The following SYNRG variants were observed in gnomAD, a reference collection of about 807,000 sequenced individuals.
SYNRG encodes the protein AP1 gamma subunit binding protein 1.
SYNRG carries 37 observed loss-of-function variants against 130.9 expected under a neutral mutation model. The ratio of observed to expected loss-of-function variants is 0.28; its 90% CI spans 0.22 to 0.37. The LOEUF (loss-of-function observed/expected upper bound fraction) is 0.37, where lower values mean the gene tolerates loss of function less well. SYNRG is among the 10% of genes least tolerant of loss of function. The pLI, the probability that SYNRG is intolerant of heterozygous loss-of-function variation, is 1.00. For synonymous variants in SYNRG, 539 were observed against 568.1 expected, an observed-to-expected ratio of 0.95 and a Z score of 0.73; for missense variants, 1,338 against 1,588.9, an observed-to-expected ratio of 0.84 and a Z score of 2.68.
intron 15 of SYNRG, 155 bp from the exon 16 acceptor site, chr17:37,540,698 G>C (rs1278703623): frequency 1.1e-6 from 1 of 880,902 alleles, no homozygotes; most frequent in East Asian, 2.9e-5. Flanking sequence ...ACGGTGGTGT[G>C]ATCTCGGCTC....
intron 14 of SYNRG, among the ~76,000 whole-genome samples, chr17:37,546,168 T>C (rs1272617313): frequency 2.6e-5 from 4 of 152,134 alleles, no homozygotes; most frequent in Admixed American, 6.5e-5. Flanking sequence ...ACATAAATGA[T>C]AGAAAAAATG....
At chr17:37,604,164 C>T (rs976530220) in intron 1 of SYNRG, among the ~76,000 whole-genome samples, 6 of 151,724 alleles carry the variant, frequency 4.0e-5, no homozygotes, top group Middle Eastern at 3.4e-3. Flanking sequence ...CACTTGAACC[C>T]GGGAGGCGAA....
Position 37,518,109 on chromosome 17 carries a change from G to C in SYNRG, c.*831C>G, listed in dbSNP as rs556813353. The C allele has an allele frequency of 6.6e-6, 1 of 152,350 alleles. No individual in the cohort carries two copies. Among genetic ancestry groups the C allele is most frequent in the Non-Finnish European group, 1.5e-5 (1 of 68,030 alleles). 9.4% of individuals were successfully genotyped at this position (152,350 alleles called of 1,614,324 possible). A position where few individuals can be genotyped will look rare whatever the true frequency, so the allele number is the denominator to read the frequency against. ...ATGCAGTCATCTTTGGAAATTTGGA[G>C]AGAGGCCACTGCAAAGAGATTTCAT... is the stretch of plus-strand genomic sequence containing the variant. On this transcript the variant is annotated 3_prime_UTR_variant, in exon 22 of 22. Transcript: ENST00000612223.
In SYNRG at chr17:37,525,952, C is replaced by T. The variant is rs543377087; in HGVS notation, c.3667-5304G>A. Among the ~76,000 whole-genome samples, 74 of 150,410 alleles carry T rather than the reference C, an allele frequency of 4.9e-4. 1 individual carries two copies. In the South Asian group the frequency reaches 0.014, roughly 28 times the overall value. ...TTGCACTCCAGCCTGGGCAACAGAG[C>T]GAGACTCCGTCTCAAAAACAAAACA... On this transcript the variant is annotated intron_variant, in intron 19 of 21. Transcript: ENST00000612223.
intron 19 of SYNRG, among the ~76,000 whole-genome samples, chr17:37,525,870 G>A (rs540062709): frequency 1.5e-4 from 23 of 152,340 alleles, no homozygotes; most frequent in Non-Finnish European, 2.9e-4. Flanking sequence ...GGAGGCTGAG[G>A]CAGGAGAATT....
chr17:37,525,892 G>C (rs929863573), intron 19 of SYNRG, among the ~76,000 whole-genome samples: 1 of 152,212 alleles, frequency 6.6e-6, no homozygotes, highest in Non-Finnish European at 1.5e-5. Flanking sequence ...CTTGAACCCA[G>C]GAGGTGGAGG....
Position 37,518,672 on chromosome 17 carries a change from G to A in SYNRG, c.*268C>T, listed in dbSNP as rs138900771. On this transcript the variant is annotated 3_prime_UTR_variant, in exon 22 of 22. Transcript: ENST00000612223. ...TACTGCAGCAGCAAGTTCTTCCTTA[G>A]ATCAAGAAAGCCGTGGTCCGTATTT... 139 of 396,246 alleles carry A rather than the reference G, an allele frequency of 3.5e-4. 1 individual carries two copies. Among genetic ancestry groups the A allele is most frequent in the African/African-American group, 2.6e-3 (128 of 49,834 alleles). 24.5% of individuals were successfully genotyped at this position (396,246 alleles called of 1,614,324 possible). A position where few individuals can be genotyped will look rare whatever the true frequency, so the allele number is the denominator to read the frequency against.
chr17:37,581,307 T>A (rs758257623), intron 6 of SYNRG, among the ~76,000 whole-genome samples: 3 of 151,974 alleles, frequency 2.0e-5, no homozygotes, highest in Non-Finnish European at 4.4e-5. Flanking sequence ...ATACTGGGTC[T>A]CCCTCTGTCA....
chr17:37,531,994 C>T (rs1422287552), intron 19 of SYNRG, among the ~76,000 whole-genome samples: 1 of 152,202 alleles, frequency 6.6e-6, no homozygotes, highest in Admixed American at 6.5e-5. Flanking sequence ...TCTAATTTTT[C>T]ACGTTTACAA....
At chr17:37,594,527 A>T (rs1464448207) in intron 3 of SYNRG, among the ~76,000 whole-genome samples, 1 of 150,178 alleles carries the variant, frequency 6.7e-6, no homozygotes, top group African/African-American at 2.5e-5. Context: ...CAGTGGCGCA[A>T]TCTCAGCTCA....
At chr17:37,535,533 GAAC>G (rs2057107777) in intron 19 of SYNRG, among the ~76,000 whole-genome samples, 1 of 152,148 alleles carries the variant, frequency 6.6e-6, no homozygotes, top group Non-Finnish European at 1.5e-5. Flanking sequence ...TCTATTCAGA[GAAC>G]TACTCGTAAC....
At chr17:37,604,949 TGGGTTTGTG>T (rs1490900631) in intron 1 of SYNRG, among the ~76,000 whole-genome samples, 1 of 152,226 alleles carries the variant, frequency 6.6e-6, no homozygotes, top group Non-Finnish European at 1.5e-5. Context: ...TTATACGAGC[TGGGTTTGTG>T]GTGCTCCAAA....
rs781272175 is a variant in SYNRG at position 37,568,877 on chromosome 17, A to C, written c.1395T>G (p.Ser465=). The C allele has an allele frequency of 2.5e-6, 4 of 1,613,980 alleles. No homozygotes were observed. Among genetic ancestry groups the C allele is most frequent in the Non-Finnish European group, 3.4e-6 (4 of 1,179,974 alleles). The change falls in exon 11 of 22, where the codon TCT becomes TCG. Residue 465 remains serine, a synonymous_variant. Coordinates refer to ENST00000612223, the MANE Select transcript of SYNRG (RefSeq NM_007247.6). The stretch of plus-strand genomic sequence containing the variant: ...ATGAGTCATCAAGGGATCCTGACTT[A>C]GAAGCATCTTGAAAATCCTGGAAGT... ...EDDFQDFQDA[S]KSGSLDDSFS...
intron 16 of SYNRG, 150 bp from the exon 17 acceptor site, chr17:37,539,395 G>A: frequency 1.2e-6 from 1 of 842,988 alleles, no homozygotes. Context: ...TTTTGTTTTT[G>A]TTTTGAGATA....
chr17:37,529,811 G>A (rs73984260), intron 19 of SYNRG: 1 of 1,551,448 alleles, frequency 6.4e-7, no homozygotes, highest in African/African-American at 1.4e-5. Flanking sequence ...ATGGTAAGGA[G>A]AGAGATGCTT....
intron 6 of SYNRG, among the ~76,000 whole-genome samples, chr17:37,578,961 A>G (rs2146270809): frequency 1.3e-5 from 2 of 152,356 alleles, no homozygotes; most frequent in Middle Eastern, 3.4e-3. Flanking sequence ...TGGAATGTCA[A>G]GACCCCAGAA....
At chr17:37,531,969 G>A (rs183836283) in intron 19 of SYNRG, among the ~76,000 whole-genome samples, 1 of 152,262 alleles carries the variant, frequency 6.6e-6, no homozygotes, top group African/African-American at 2.4e-5. Context: ...TCTAGATTTG[G>A]ACTTTCAGGT....
intron 8 of SYNRG, among the ~76,000 whole-genome samples, 180 bp downstream of exon 8, chr17:37,576,161 A>G (rs572299853): frequency 1.3e-5 from 2 of 152,328 alleles, no homozygotes; most frequent in African/African-American, 4.8e-5. Flanking sequence ...GTTATTCCAT[A>G]TATGAGGCAG....
intron 13 of SYNRG, among the ~76,000 whole-genome samples, chr17:37,554,860 A>T (rs1159773508): frequency 6.6e-6 from 1 of 152,174 alleles, no homozygotes; most frequent in African/African-American, 2.4e-5. Context: ...TACCAACTCT[A>T]TTATATAAAG....
Sources: gnomAD v4.1 joint callset for allele counts (sites outside exome capture counted in the v4.1 genomes callset) on GRCh38, gnomAD v4.1.1 for gene constraint, MANE v1.5 for transcripts, NCBI Gene and HGNC (gene_info 2026-07-23, HGNC 2026-07-21) for gene names.